Variants in STPG2 observed in about 807,000 individuals in gnomAD.
STPG2 encodes the protein sperm tail PG-rich repeat containing 2.
Under a neutral mutation model 54.2 loss-of-function variants are expected in STPG2, and 56 were observed. That is an observed-to-expected ratio of 1.03 (90% confidence interval 0.83 to 1.29). The LOEUF (loss-of-function observed/expected upper bound fraction) is 1.29, where lower values mean the gene tolerates loss of function less well. STPG2 is among the 50% of genes most tolerant of loss of function. The pLI is 0.00. For synonymous variants in STPG2, 200 were observed against 181.8 expected (o/e 1.10, Z -0.81); for missense variants, 596 against 544.9 (o/e 1.09, Z -0.93).
chr4:97,579,090 C>A (rs934883660), intron 10 of STPG2, among the ~76,000 whole-genome samples: 6 of 152,016 alleles, frequency 3.9e-5, no homozygotes, highest in East Asian at 1.9e-4. Flanking sequence ...CTTTAAATTG[C>A]AAGTGACTTT....
chr4:98,011,257 A>G (rs1274124840), intron 5 of STPG2, among the ~76,000 whole-genome samples: 1 of 152,144 alleles, frequency 6.6e-6, no homozygotes, highest in Non-Finnish European at 1.5e-5. Flanking sequence ...GATGGCTACC[A>G]GCTTCATCCA....
In STPG2 at chr4:97,693,083, T is replaced by C. The variant is rs572863094; in HGVS notation, c.1320+19616A>G. Among the ~76,000 whole-genome samples, 3 of 147,336 alleles carry C rather than the reference T, an allele frequency of 2.0e-5. No homozygotes were observed. In the South Asian group the frequency reaches 6.5e-4, roughly 32 times the overall value. On this transcript the variant is annotated intron_variant, in intron 10 of 10. Coordinates refer to ENST00000295268, the MANE Select transcript of STPG2 (RefSeq NM_174952.3). ...TGAAACAACTTAAAATACACCAAAA[T>C]AGAATTTCCTTAAAGCACAAATCTC...
intron 9 of STPG2, among the ~76,000 whole-genome samples, chr4:97,801,495 CACA>C (rs1206530397): frequency 6.6e-6 from 1 of 152,150 alleles, no homozygotes; most frequent in Non-Finnish European, 1.5e-5. Flanking sequence ...GAAGAACTTG[CACA>C]ACGATTTCTT....
chr4:97,664,794 C>T (rs912934660), intron 10 of STPG2, among the ~76,000 whole-genome samples: 2 of 151,982 alleles, frequency 1.3e-5, no homozygotes, highest in African/African-American at 4.8e-5. Flanking sequence ...GGCACCTTTG[C>T]CCAAGTTTTG....
At chr4:97,726,968 T>C (rs995717955) in intron 9 of STPG2, among the ~76,000 whole-genome samples, 5 of 151,914 alleles carry the variant, frequency 3.3e-5, no homozygotes, top group Non-Finnish European at 7.4e-5. Flanking sequence ...CATTATTCTA[T>C]CTCTATAGCT....
At chr4:97,497,761 T>C (rs958446368) in intron 4 of STPG2, among the ~76,000 whole-genome samples, 8 of 152,012 alleles carry the variant, frequency 5.3e-5, no homozygotes, top group African/African-American at 1.7e-4. Flanking sequence ...GAAATGCATA[T>C]GATTTCAAAA....
chr4:97,658,814 T>TAGC (rs1722292228), intron 10 of STPG2, among the ~76,000 whole-genome samples: 3 of 152,164 alleles, frequency 2.0e-5, no homozygotes, highest in African/African-American at 7.2e-5. Flanking sequence ...AAATCTAACA[T>TAGC]AGCAGGGCCT....
At chr4:98,039,698 A>ATATATC (rs757439122) in intron 5 of STPG2, among the ~76,000 whole-genome samples, 69 of 150,626 alleles carry the variant, frequency 4.6e-4, no homozygotes, top group Admixed American at 2.0e-3. Context: ...ATATATATAT[A>ATATATC]TCTCACATTT....
At chr4:97,541,649 G>C (rs1466349020) in intron 4 of STPG2, among the ~76,000 whole-genome samples, 2 of 152,136 alleles carry the variant, frequency 1.3e-5, no homozygotes, top group Admixed American at 1.3e-4. Flanking sequence ...CCAAAAAAGA[G>C]CCTGCATTGC....
At chr4:97,685,165 G>A (rs182136692) in intron 10 of STPG2, among the ~76,000 whole-genome samples, 4 of 152,018 alleles carry the variant, frequency 2.6e-5, no homozygotes, top group Admixed American at 6.6e-5. Context: ...ATCTGGCAGC[G>A]TCTTATGAAG....
chr4:97,784,273 C>T (rs1024174957), intron 9 of STPG2, among the ~76,000 whole-genome samples: 3 of 151,896 alleles, frequency 2.0e-5, no homozygotes, highest in African/African-American at 7.2e-5. Context: ...AATAATAGAA[C>T]ATCTCCATAG....
chr4:98,003,995 C>T (rs1010516396), intron 5 of STPG2, among the ~76,000 whole-genome samples: 9 of 150,702 alleles, frequency 6.0e-5, no homozygotes, highest in Non-Finnish European at 1.2e-4. Flanking sequence ...CACATAACTA[C>T]GTGTGTGTGT....
At chr4:97,841,536 T>G in intron 8 of STPG2, among the ~76,000 whole-genome samples, 1 of 151,838 alleles carries the variant, frequency 6.6e-6, no homozygotes, top group East Asian at 1.9e-4. Context: ...AGTAATGCCT[T>G]AAACAATTAG....
At chr4:97,927,134 C>A (rs1732360189) in intron 8 of STPG2, among the ~76,000 whole-genome samples, 1 of 152,060 alleles carries the variant, frequency 6.6e-6, no homozygotes. Flanking sequence ...CGAGATGATA[C>A]ACAAAATATT....
At chr4:97,800,077 A>AT (rs1270303031) in intron 9 of STPG2, among the ~76,000 whole-genome samples, 1 of 152,170 alleles carries the variant, frequency 6.6e-6, no homozygotes, top group Non-Finnish European at 1.5e-5. Flanking sequence ...CTAGTTAGCC[A>AT]TTCATCTAAC....
chr4:97,859,883 T>C (rs1465801351), intron 8 of STPG2, among the ~76,000 whole-genome samples: 1 of 152,228 alleles, frequency 6.6e-6, no homozygotes, highest in Non-Finnish European at 1.5e-5. Context: ...ATTTGATCCA[T>C]CTTGACTTTA....
At chr4:97,907,265 C>T (rs1402020431) in intron 8 of STPG2, among the ~76,000 whole-genome samples, 1 of 151,210 alleles carries the variant, frequency 6.6e-6, no homozygotes, top group Non-Finnish European at 1.5e-5. Context: ...CTCCCATTCA[C>T]AATTGCTTCC....
chr4:98,118,886 T>C (rs1324883351), intron 3 of STPG2, among the ~76,000 whole-genome samples: 4 of 152,006 alleles, frequency 2.6e-5, no homozygotes, highest in Non-Finnish European at 5.9e-5. Context: ...AATAAAGAAA[T>C]AAATTATAGC....
At chr4:97,692,743 C>A (rs191071003) in intron 10 of STPG2, among the ~76,000 whole-genome samples, 153 of 152,224 alleles carry the variant, frequency 1.0e-3, no homozygotes, top group Middle Eastern at 3.4e-3. Flanking sequence ...GCACATAGTT[C>A]ATCAGGTTAT....
Sources: allele counts gnomAD v4.1 joint callset (sites outside exome capture counted in the v4.1 genomes callset), GRCh38; gene constraint gnomAD v4.1.1; transcripts MANE v1.5; gene names NCBI Gene and HGNC (gene_info 2026-07-23, HGNC 2026-07-21).